Variants in CCDC14 observed in about 807,000 individuals in gnomAD.
CCDC14 encodes the protein coiled-coil domain-containing protein 14.
Under a neutral mutation model 81.4 loss-of-function variants are expected in CCDC14, and 71 were observed. The ratio of observed to expected loss-of-function variants is 0.87; its 90% confidence interval spans 0.72 to 1.06. The LOEUF (loss-of-function observed/expected upper bound fraction) is 1.06, where lower values mean the gene tolerates loss of function less well. Among genes scored for constraint, CCDC14 ranks in the 50% least tolerant of loss-of-function variants. The pLI, the probability that CCDC14 is intolerant of heterozygous loss-of-function variation, is 0.00. For synonymous variants in CCDC14, 332 were observed against 364.8 expected, an observed-to-expected ratio of 0.91 and a Z score of 1.03; for missense variants, 1,046 against 1,047.3, an observed-to-expected ratio of 1.00 and a Z score of 0.02.
intron 9 of CCDC14, among the ~76,000 whole-genome samples, chr3:123,944,378 A>G (rs140635175): frequency 9.9e-5 from 15 of 152,216 alleles, no homozygotes; most frequent in Non-Finnish European, 1.8e-4. Context: ...CTCCCCCATT[A>G]CCACATCCAC....
intron 5 of CCDC14, chr3:123,952,592 T>C: frequency 1.9e-6 from 1 of 531,216 alleles, no homozygotes; most frequent in South Asian, 1.4e-5. Flanking sequence ...ATGGTGTGCT[T>C]ACCTGACTCC....
chr3:123,925,660 T>C (rs1213720714), intron 12 of CCDC14, among the ~76,000 whole-genome samples: 1 of 152,170 alleles, frequency 6.6e-6, no homozygotes, highest in Non-Finnish European at 1.5e-5. Flanking sequence ...GGTCTCAAAC[T>C]CCTGACCTCA....
intron 5 of CCDC14, among the ~76,000 whole-genome samples, chr3:123,898,745 C>T (rs527652337): frequency 3.3e-5 from 5 of 152,252 alleles, no homozygotes; most frequent in East Asian, 3.9e-4. Context: ...TAGAGTGCAG[C>T]GGCACAATCT....
At chr3:123,932,926 C>T (rs748938928) in intron 10 of CCDC14, among the ~76,000 whole-genome samples, 3 of 152,234 alleles carry the variant, frequency 2.0e-5, no homozygotes, top group Non-Finnish European at 2.9e-5. Context: ...TGATGAAACC[C>T]TGTCTCTAAT....
the CCDC14 span, among the ~76,000 whole-genome samples, chr3:123,889,150 C>A: frequency 6.6e-6 from 1 of 152,172 alleles, no homozygotes; most frequent in Non-Finnish European, 1.5e-5. Context: ...TGGCTCACAC[C>A]TGAAATCCCA....
intron 8 of CCDC14, among the ~76,000 whole-genome samples, 179 bp from the exon 9 acceptor site, chr3:123,945,169 G>C (rs1407297860): frequency 6.6e-6 from 1 of 151,408 alleles, no homozygotes; most frequent in Non-Finnish European, 1.5e-5. Context: ...GCTGGTATTT[G>C]TTTCCTCAGA....
Position 123,949,122 on chromosome 3 carries a change from A to G in CCDC14, c.363T>C (p.Asp121=), listed in dbSNP as rs2036857141. The stretch of plus-strand genomic sequence containing the variant: ...CTTCATTAGGTATCTGTTTCTTATT[A>G]TCTGAAGATGCTAATGTGGAAGAAG... ...LVVQKETSSS[D]NKKQIPNEAS... Residue 121 remains aspartate (D), a synonymous_variant, in exon 6 of 13, where the codon GAT becomes GAC. Transcript: ENST00000409697. 1 of 1,589,596 alleles carries G rather than the reference A, an allele frequency of 6.3e-7. No individual in the cohort carries two copies.
intron 8 of CCDC14, 63 bp downstream of exon 8, chr3:123,946,740 A>G (rs762802360): frequency 3.5e-6 from 5 of 1,437,168 alleles, no homozygotes; most frequent in Non-Finnish European, 2.8e-6. Context: ...AATGATAGCT[A>G]AATAACATGA....
chr3:123,905,176 T>C (rs1334961627), intron 5 of CCDC14, among the ~76,000 whole-genome samples: 1 of 152,226 alleles, frequency 6.6e-6, no homozygotes, highest in African/African-American at 2.4e-5. Context: ...AAGTTAATAA[T>C]GGATAACAGA....
At chr3:123,947,814 ACTTG>A (rs962315035) in intron 7 of CCDC14, among the ~76,000 whole-genome samples, 4 of 152,054 alleles carry the variant, frequency 2.6e-5, no homozygotes, top group Admixed American at 2.6e-4. Flanking sequence ...GATATTAAAA[ACTTG>A]CTTATTAATA....
Position 123,914,546 on chromosome 3 carries a change from C to A in CCDC14, c.*233G>T. 1 of 1,186,454 alleles carries A rather than the reference C, an allele frequency of 8.4e-7. No homozygotes were observed. Among genetic ancestry groups the A allele is most frequent in the East Asian group, 4.2e-5 (1 of 23,842 alleles). 73.5% of individuals were successfully genotyped at this position (1,186,454 alleles called of 1,614,324 possible). A position where few individuals can be genotyped will look rare whatever the true frequency, so the allele number is the denominator to read the frequency against. ...AAGTACTGAAATAAAACATTACTTA[C>A]AATAATTTCCTAGTTATCCACAACT... On this transcript the variant is annotated 3_prime_UTR_variant, in exon 13 of 13. Transcript: ENST00000409697.
Position 123,914,729 on chromosome 3 carries a change from A to G in CCDC14, c.*50T>C, listed in dbSNP as rs1237599881. Reference sequence around the variant, plus strand: ...CTAAAGAAAAATACACATTCAATATAGCCAAGTTCTAGTTTTAAAAAGAAG... The same window carrying G: ...CTAAAGAAAAATACACATTCAATATGGCCAAGTTCTAGTTTTAAAAAGAAG... On this transcript the variant is annotated 3_prime_UTR_variant, in exon 13 of 13. Transcript: ENST00000409697. 1.4e-6 allele frequency: 2 copies of G among 1,461,376 alleles called. No individual in the cohort carries two copies. The highest frequency in any genetic ancestry group is 2.8e-5 in the Admixed American group (1 of 35,656). 90.5% of individuals were successfully genotyped at this position (1,461,376 alleles called of 1,614,324 possible). A position where few individuals can be genotyped will look rare whatever the true frequency, so the allele number is the denominator to read the frequency against.
At chr3:123,901,183 G>C (rs1367254205) in intron 5 of CCDC14, among the ~76,000 whole-genome samples, 1 of 151,500 alleles carries the variant, frequency 6.6e-6, no homozygotes, top group Non-Finnish European at 1.5e-5. Flanking sequence ...GGTGAGCTGA[G>C]ATCATGCCAT....
rs1340324529 is a variant in CCDC14, at chr3:123,931,492, T to C, written c.1461A>G (p.Gln487=). The part of the protein sequence containing the change: ...FSLQSLNMSL[Q]NQLEESLKSQ... ...TCTTTAGTGACTCCTCCAATTGATT[T>C]TGCAGTGACATATTCAATGACTGAA... The change falls in exon 11 of 13, where the codon CAA becomes CAG. Residue 487 remains glutamine, a synonymous_variant. Coordinates refer to ENST00000409697, the MANE Select transcript of CCDC14 (RefSeq NM_001366335.1). 8 of 1,571,246 alleles carry C rather than the reference T, an allele frequency of 5.1e-6. No individual in the cohort carries two copies. Among genetic ancestry groups the C allele is most frequent in the Non-Finnish European group, 6.9e-6 (8 of 1,156,064 alleles).
intron 12 of CCDC14, among the ~76,000 whole-genome samples, chr3:123,920,820 G>A (rs999233040): frequency 5.9e-5 from 9 of 152,186 alleles, no homozygotes; most frequent in South Asian, 4.1e-4. Context: ...TATGTAAAGC[G>A]ATTTTATCCT....
chr3:123,900,083 A>C (rs1703830427), intron 5 of CCDC14, among the ~76,000 whole-genome samples: 1 of 152,200 alleles, frequency 6.6e-6, no homozygotes, highest in Admixed American at 6.5e-5. Flanking sequence ...TTTTCTATAT[A>C]TCCAAGCAAT....
chr3:123,915,119 G>A lies in CCDC14; in HGVS notation c.2378C>T (p.Ala793Val). ...CSSSTKEAEDAPEKLSRASDM... is the reference protein window; with the variant it reads ...CSSSTKEAEDVPEKLSRASDM... The stretch of plus-strand genomic sequence containing the variant: ...AGATGCTCTGGAAAGTTTTTCAGGT[G>A]CATCTTCTGCTTCCTTTGTTGAAGA... Residue 793 changes from alanine (A) to valine (V), a missense_variant, in exon 13 of 13, where the codon GCA (alanine) becomes GTA (valine). Physicochemically the swap from Ala to Val is moderately conservative, Grantham distance 64. Coordinates refer to ENST00000409697, the MANE Select transcript of CCDC14 (RefSeq NM_001366335.1). 2 of 1,613,834 alleles carry A rather than the reference G, an allele frequency of 1.2e-6. No homozygotes were observed. The highest frequency in any genetic ancestry group is 1.7e-6 in the Non-Finnish European group (2 of 1,179,808).
At chr3:123,952,857 C>T (rs2037098383) in intron 5 of CCDC14, 1 of 212,892 alleles carries the variant, frequency 4.7e-6, no homozygotes, top group South Asian at 6.9e-5. Context: ...ATTGTGGTAA[C>T]AAAGCAAAAT....
chr3:123,931,671 A>G (rs768119352), intron 10 of CCDC14, 145 bp from the exon 11 acceptor site: 19 of 534,004 alleles, frequency 3.6e-5, no homozygotes, highest in Non-Finnish European at 5.5e-5. Flanking sequence ...AGTTCTACAT[A>G]AATACTACAT....
Sources: gnomAD v4.1 joint callset for allele counts (sites outside exome capture counted in the v4.1 genomes callset) on GRCh38, gnomAD v4.1.1 for gene constraint, MANE v1.5 for transcripts, NCBI Gene and HGNC (gene_info 2026-07-23, HGNC 2026-07-21) for gene names.